The following CCSER1 variants were observed in gnomAD, a reference collection of about 807,000 sequenced individuals.
CCSER1 encodes coiled-coil serine rich protein 1, also known as serine-rich coiled-coil domain-containing protein 1.
CCSER1 carries 41 observed loss-of-function variants against 82.0 expected under a neutral mutation model. That is an observed-to-expected ratio of 0.50 (90% CI 0.39 to 0.65). The LOEUF (loss-of-function observed/expected upper bound fraction) is 0.65, where lower values mean the gene tolerates loss of function less well. CCSER1 is among the 30% of genes least tolerant of loss of function. The pLI is 0.00. For synonymous variants in CCSER1, 414 were observed against 383.9 expected (o/e 1.08, Z -0.92); for missense variants, 1,119 against 1,064.2 (o/e 1.05, Z -0.72).
chr4:91,467,782 C>T (rs143648159), intron 10 of CCSER1, among the ~76,000 whole-genome samples: 2 of 152,134 alleles, frequency 1.3e-5, no homozygotes, highest in Admixed American at 1.3e-4. Context: ...CAGAGAAATG[C>T]AAATCAAAAC....
chr4:90,718,444 A>G (rs1218284971), intron 6 of CCSER1, among the ~76,000 whole-genome samples: 1 of 152,128 alleles, frequency 6.6e-6, no homozygotes, highest in Non-Finnish European at 1.5e-5. Flanking sequence ...GAATTATAGC[A>G]TTCAGTAAAT....
intron 9 of CCSER1, among the ~76,000 whole-genome samples, chr4:91,077,287 A>G (rs1722101467): frequency 6.6e-6 from 1 of 152,208 alleles, no homozygotes; most frequent in South Asian, 2.1e-4. Flanking sequence ...GCAAGCCTCA[A>G]AGGAATCAGT....
At chr4:90,534,857 C>T (rs1469924307) in intron 5 of CCSER1, among the ~76,000 whole-genome samples, 1 of 152,176 alleles carries the variant, frequency 6.6e-6, no homozygotes, top group South Asian at 2.1e-4. Flanking sequence ...ATACCATCTG[C>T]ATTTAAGGGT....
At position 91,046,692 on chromosome 4, in the gene CCSER1, G is replaced by T. The variant is rs1048278399; in HGVS notation, c.2173-39258G>T. On this transcript the variant is annotated intron_variant, in intron 9 of 10. Transcript: ENST00000509176. The stretch of plus-strand genomic sequence containing the variant: ...AGAGGGAGAGGATAATATGTTTTTT[G>T]TTGTTGTTGTTGTTGTTGTTGTTTT... Among the ~76,000 whole-genome samples the T allele has an allele frequency of 9.3e-4, 140 of 151,076 alleles. 2 individuals are homozygous for T. In the South Asian group the frequency reaches 0.017, roughly 18 times the overall value.
chr4:91,514,936 C>T lies in CCSER1; in HGVS notation c.2218-83636C>T, dbSNP rs574826973. Among the ~76,000 whole-genome samples the T allele has an allele frequency of 1.6e-3, 247 of 152,132 alleles. 2 individuals are homozygous for T. Among genetic ancestry groups the T allele is most frequent in the African/African-American group, 5.7e-3 (238 of 41,518 alleles). The stretch of plus-strand genomic sequence containing the variant: ...TTTTCAACTTAATAGTTGGATGATG[C>T]CTGCCTACATTAGGAAGAACAAACT... On this transcript the variant is annotated intron_variant, in intron 10 of 10. Transcript: ENST00000509176.
At chr4:90,861,394 T>C (rs1256531877) in intron 8 of CCSER1, among the ~76,000 whole-genome samples, 1 of 151,746 alleles carries the variant, frequency 6.6e-6, no homozygotes, top group Non-Finnish European at 1.5e-5. Context: ...TGTATAATGA[T>C]TGATGTCCCA....
At chr4:91,088,311 T>C (rs1404148569) in intron 10 of CCSER1, among the ~76,000 whole-genome samples, 1 of 152,140 alleles carries the variant, frequency 6.6e-6, no homozygotes, top group Non-Finnish European at 1.5e-5. Context: ...CAAATATTTA[T>C]AAGAAGATTT....
chr4:90,460,430 T>A (rs142530996), intron 4 of CCSER1, among the ~76,000 whole-genome samples: 1 of 151,656 alleles, frequency 6.6e-6, no homozygotes, highest in South Asian at 2.1e-4. Flanking sequence ...CAACCATCTG[T>A]CATAAAATGA....
chr4:90,220,653 C>T (rs543360951), intron 1 of CCSER1, among the ~76,000 whole-genome samples: 5 of 152,134 alleles, frequency 3.3e-5, no homozygotes, highest in Admixed American at 6.6e-5. Flanking sequence ...TCTCTCCTGG[C>T]CAATCTTGTG....
chr4:91,219,407 G>A (rs2149097460), intron 10 of CCSER1, among the ~76,000 whole-genome samples: 1 of 149,720 alleles, frequency 6.7e-6, no homozygotes, highest in Non-Finnish European at 1.5e-5. Context: ...CTGCCTCCTG[G>A]GATCAAATGA....
chr4:90,906,188 A>G (rs1279764920), intron 8 of CCSER1, among the ~76,000 whole-genome samples: 2 of 152,110 alleles, frequency 1.3e-5, no homozygotes, highest in East Asian at 1.9e-4. Flanking sequence ...ATATTTTGCT[A>G]TTCAGATAAT....
chr4:91,062,712 C>A (rs1330567604), intron 9 of CCSER1, among the ~76,000 whole-genome samples: 2 of 152,062 alleles, frequency 1.3e-5, no homozygotes, highest in Non-Finnish European at 2.9e-5. Flanking sequence ...TATGGAAGAG[C>A]AAACTTAAAT....
Position 90,308,981 on chromosome 4 carries a change from GA to G in CCSER1, c.698del (p.Asp233ValfsTer2). On this transcript the variant is annotated frameshift_variant, in exon 2 of 11. Coordinates refer to ENST00000509176, the MANE Select transcript of CCSER1 (RefSeq NM_001145065.2). LOFTEE classifies it high-confidence loss of function. ...AAGAGCTTCGCCATCCTGTTCTGTGGATGTAACAGAACGGGCAGGAAGCTCT... is the reference window on the plus strand; with the variant it reads ...AAGAGCTTCGCCATCCTGTTCTGTGGTGTAACAGAACGGGCAGGAAGCTCT... ...LVRASPSCSV[D>X]VTERAGSSLQ... 1.2e-6 allele frequency: 2 copies of G among 1,613,814 alleles called. No individual in the cohort carries two copies. The highest frequency in any genetic ancestry group is 1.7e-4 in the Middle Eastern group (1 of 6,058).
At chr4:91,265,940 A>G (rs1438711400) in intron 10 of CCSER1, among the ~76,000 whole-genome samples, 3 of 152,150 alleles carry the variant, frequency 2.0e-5, no homozygotes, top group Admixed American at 6.5e-5. Flanking sequence ...TCATGAGGGA[A>G]GGCAAAAGGC....
chr4:90,664,377 T>C lies in CCSER1; in HGVS notation c.1932+36145T>C, dbSNP rs533635073. Among the ~76,000 whole-genome samples the C allele has an allele frequency of 1.6e-3, 248 of 152,296 alleles. 1 individual carries two copies. The highest frequency in any genetic ancestry group is 5.8e-3 in the African/African-American group (242 of 41,556). On this transcript the variant is annotated intron_variant, in intron 6 of 10. Transcript: ENST00000509176. ...TAAATTTTAATTTGTTAATGTGTTC[T>C]CACAGGATAAACAAGGCACAAATTC... is the stretch of plus-strand genomic sequence containing the variant.
chr4:90,506,131 A>G (rs763966241), intron 5 of CCSER1, among the ~76,000 whole-genome samples: 9 of 152,332 alleles, frequency 5.9e-5, no homozygotes, highest in Middle Eastern at 3.4e-3. Context: ...GTGTATGAGC[A>G]CAAGAAGCAG....
chr4:90,234,171 C>G (rs1745284783), intron 1 of CCSER1, among the ~76,000 whole-genome samples: 1 of 150,744 alleles, frequency 6.6e-6, no homozygotes, highest in Non-Finnish European at 1.5e-5. Flanking sequence ...TGAAATTTAA[C>G]ATTTATCTGG....
chr4:90,994,937 AT>A (rs1737360893), intron 9 of CCSER1, among the ~76,000 whole-genome samples: 1 of 152,128 alleles, frequency 6.6e-6, no homozygotes, highest in African/African-American at 2.4e-5. Flanking sequence ...GTTATTCTAA[AT>A]GCAGTTATTA....
intron 1 of CCSER1, among the ~76,000 whole-genome samples, chr4:90,153,195 T>G (rs939790157): frequency 3.3e-5 from 5 of 152,022 alleles, no homozygotes; most frequent in Non-Finnish European, 5.9e-5. Flanking sequence ...TTCATCCATG[T>G]CCCTACAAAG....
Sources: allele counts gnomAD v4.1 joint callset (sites outside exome capture counted in the v4.1 genomes callset), GRCh38; gene constraint gnomAD v4.1.1; transcripts MANE v1.5; gene names NCBI Gene and HGNC (gene_info 2026-07-23, HGNC 2026-07-21).